AGTRAP: variants seen among roughly 807,000 people sequenced by gnomAD.
The protein encoded by AGTRAP is angiotensin II receptor associated protein.
AGTRAP carries 7 observed loss-of-function variants against 15.2 expected under a neutral mutation model. The ratio of observed to expected loss-of-function variants is 0.46; its 90% confidence interval spans 0.26 to 0.87. The LOEUF (loss-of-function observed/expected upper bound fraction) is 0.87. Among genes scored for constraint, AGTRAP ranks in the 40% least tolerant of loss-of-function variants. AGTRAP has a pLI of 0.15. For synonymous variants in AGTRAP, 74 were observed against 89.6 expected, an observed-to-expected ratio of 0.83 and a Z score of 0.98; for missense variants, 187 against 213.4, an observed-to-expected ratio of 0.88 and a Z score of 0.77.
chr1:11,741,833 C>T (rs1273695684), intron 1 of AGTRAP, among the ~76,000 whole-genome samples: 2 of 152,190 alleles, frequency 1.3e-5, no homozygotes, highest in Admixed American at 6.5e-5. Flanking sequence ...GAGGTGATGG[C>T]GAAGATTCCT....
At chr1:11,747,685 A>G (rs1642199464) in intron 3 of AGTRAP, 140 bp downstream of exon 3, 8 of 889,600 alleles carry the variant, frequency 9.0e-6, no homozygotes, top group Non-Finnish European at 1.0e-5. Flanking sequence ...AAGCCTGTTC[A>G]TCAGCCTCCT....
intron 1 of AGTRAP, among the ~76,000 whole-genome samples, chr1:11,740,933 C>T (rs1169747218): frequency 2.0e-5 from 3 of 152,122 alleles, no homozygotes; most frequent in Non-Finnish European, 2.9e-5. Context: ...GCTGACTCTG[C>T]GGTGTGGCCC....
chr1:11,742,036 C>T (rs1319227110), intron 1 of AGTRAP, among the ~76,000 whole-genome samples: 2 of 152,244 alleles, frequency 1.3e-5, no homozygotes, highest in Admixed American at 1.3e-4. Flanking sequence ...GGTGAAGTAT[C>T]TCAGCCACCA....
chr1:11,746,424 C>A, intron 2 of AGTRAP: 1 of 555,388 alleles, frequency 1.8e-6, no homozygotes, highest in South Asian at 2.2e-5. Flanking sequence ...ACCTGCCTTG[C>A]ACATGTCTTC....
At chr1:11,736,655 T>C (rs1268090927) in intron 1 of AGTRAP, among the ~76,000 whole-genome samples, 1 of 152,252 alleles carries the variant, frequency 6.6e-6, no homozygotes, top group Admixed American at 6.5e-5. Context: ...CAGCACCGTT[T>C]CAGGAGCCTC....
chr1:11,743,164 C>G (rs1305217571), intron 1 of AGTRAP, among the ~76,000 whole-genome samples: 1 of 152,214 alleles, frequency 6.6e-6, no homozygotes, highest in Non-Finnish European at 1.5e-5. Context: ...GAGCCCCGCT[C>G]ATACATTGTG....
intron 1 of AGTRAP, among the ~76,000 whole-genome samples, chr1:11,740,819 G>C (rs1305294849): frequency 1.3e-5 from 2 of 152,200 alleles, no homozygotes; most frequent in East Asian, 3.9e-4. Flanking sequence ...AGAGTGGGAA[G>C]AGTTAGGTGT....
At chr1:11,739,272 C>T (rs1167705091) in intron 1 of AGTRAP, among the ~76,000 whole-genome samples, 1 of 152,158 alleles carries the variant, frequency 6.6e-6, no homozygotes, top group Non-Finnish European at 1.5e-5. Flanking sequence ...CAGGCTGGGC[C>T]AGGCGTGGTG....
At chr1:11,744,911 A>G (rs578203503) in intron 1 of AGTRAP, among the ~76,000 whole-genome samples, 1 of 152,152 alleles carries the variant, frequency 6.6e-6, no homozygotes, top group East Asian at 1.9e-4. Flanking sequence ...CTGGAGTGCA[A>G]TGGCACAATC....
At chr1:11,746,085 C>A (rs1642156380) in intron 2 of AGTRAP, 1 of 1,591,504 alleles carries the variant, frequency 6.3e-7, no homozygotes, top group Admixed American at 1.7e-5. Flanking sequence ...CTCAGCACTG[C>A]AGCTTGATTT....
At chr1:11,741,633 C>T (rs1642032382) in intron 1 of AGTRAP, among the ~76,000 whole-genome samples, 1 of 152,222 alleles carries the variant, frequency 6.6e-6, no homozygotes, top group Non-Finnish European at 1.5e-5. Flanking sequence ...GGGTTTGAGT[C>T]CTGGCTCTGC....
At chr1:11,740,645 G>A (rs1642008636) in intron 1 of AGTRAP, among the ~76,000 whole-genome samples, 1 of 152,152 alleles carries the variant, frequency 6.6e-6, no homozygotes, top group South Asian at 2.1e-4. Flanking sequence ...AGGGTATCCT[G>A]CGGATCAGAG....
intron 1 of AGTRAP, among the ~76,000 whole-genome samples, chr1:11,741,017 A>G (rs1204767992): frequency 6.6e-6 from 1 of 152,042 alleles, no homozygotes; most frequent in African/African-American, 2.4e-5. Flanking sequence ...CTCTGAAGAT[A>G]AAGATCAGAA....
chr1:11,736,451 G>T (rs79717608), intron 1 of AGTRAP, among the ~76,000 whole-genome samples: 3,192 of 152,316 alleles, frequency 0.021, 127 homozygotes, highest in African/African-American at 0.07. Flanking sequence ...GAGGGGCCGT[G>T]GGAGGTGGCA....
At chr1:11,747,383 G>A (rs1454864872) in intron 2 of AGTRAP, 57 bp from the exon 3 acceptor site, 1 of 1,493,230 alleles carries the variant, frequency 6.7e-7, no homozygotes, top group Non-Finnish European at 9.3e-7. Flanking sequence ...GGAGCAGGAG[G>A]GAGGTGACCT....
rs1020324724 is a variant in AGTRAP at position 11,745,187 on chromosome 1, G to T, written c.28-616G>T. ...CCATTTTTATAGTTATTTCTTGATA[G>T]TATGCTAACCAAGGGGTGGATTATT... On this transcript the variant is annotated intron_variant, in intron 1 of 4. Transcript: ENST00000314340. The surrounding 1 kb of genome is among the most constrained non-coding windows in gnomAD (Gnocchi z 4.2). Among the ~76,000 whole-genome samples, 4 of 152,190 alleles carry T rather than the reference G, an allele frequency of 2.6e-5. No homozygotes were observed. The highest frequency in any genetic ancestry group is 6.5e-5 in the Admixed American group (1 of 15,276).
At chr1:11,749,734 G>A (rs1042399265) in intron 4 of AGTRAP, among the ~76,000 whole-genome samples, 1 of 152,176 alleles carries the variant, frequency 6.6e-6, no homozygotes, top group African/African-American at 2.4e-5. Context: ...CATGGCACAG[G>A]GGCCAGGAGC....
intron 1 of AGTRAP, 46 bp downstream of exon 1, chr1:11,736,281 G>A: frequency 1.3e-6 from 2 of 1,592,912 alleles, no homozygotes; most frequent in African/African-American, 1.3e-5. Flanking sequence ...GAGGAAGTGG[G>A]ACATTTGCAT....
intron 1 of AGTRAP, among the ~76,000 whole-genome samples, chr1:11,739,569 C>A (rs536893499): frequency 4.6e-5 from 7 of 152,152 alleles, no homozygotes; most frequent in Non-Finnish European, 1.0e-4. Context: ...CAAACAAAAA[C>A]TCTGGCTGGA....
Sources: gnomAD v4.1 joint callset for allele counts (sites outside exome capture counted in the v4.1 genomes callset) on GRCh38, gnomAD v4.1.1 for gene constraint, Gnocchi (gnomAD v3.1) non-coding constraint, MANE v1.5 for transcripts, NCBI Gene and HGNC (gene_info 2026-07-23, HGNC 2026-07-21) for gene names.